Variants in NDC1 observed in about 807,000 individuals in gnomAD.
NDC1 encodes the protein NDC1 transmembrane nucleoporin.
NDC1 carries 24 observed loss-of-function variants against 89.8 expected under a neutral mutation model. The observed-to-expected ratio is 0.27, with a 90% CI of 0.19 to 0.38. NDC1 has a LOEUF of 0.38. NDC1 is among the 10% of genes least tolerant of loss of function. The pLI, the probability that NDC1 is intolerant of heterozygous loss-of-function variation, is 1.00. For synonymous variants in NDC1, 296 were observed against 284.8 expected, an observed-to-expected ratio of 1.04 and a Z score of -0.39; for missense variants, 728 against 797.6, an observed-to-expected ratio of 0.91 and a Z score of 1.05.
chr1:53,835,538 C>A lies in NDC1; in HGVS notation c.140G>T (p.Ser47Ile). 1.2e-6 allele frequency: 2 copies of A among 1,613,548 alleles called. No homozygotes were observed. Among genetic ancestry groups the A allele is most frequent in the South Asian group, 2.2e-5 (2 of 91,024 alleles). The change falls in exon 2 of 18, where the codon AGC becomes ATC. Residue 47 changes from serine to isoleucine, a missense_variant. Transcript: ENST00000371429. ...PICTTVFIIF[S>I]RIDLFHPIQW... The stretch of plus-strand genomic sequence containing the variant: ...TATAGGATGAAACAAATCAATCCTG[C>A]TGAAAATTATAAATACTGTGGTGCA...
At chr1:53,773,268 T>C (rs1269040256) in intron 16 of NDC1, among the ~76,000 whole-genome samples, 1 of 152,216 alleles carries the variant, frequency 6.6e-6, no homozygotes, top group Admixed American at 6.5e-5. Flanking sequence ...TTTATAGTTA[T>C]GAATGTAACC....
At chr1:53,802,102 C>T (rs972223574) in intron 10 of NDC1, among the ~76,000 whole-genome samples, 1 of 152,152 alleles carries the variant, frequency 6.6e-6, no homozygotes, top group African/African-American at 2.4e-5. Flanking sequence ...CACCCTTTTA[C>T]GGTTTACTTG....
chr1:53,818,244 C>G (rs1178823076), intron 6 of NDC1, among the ~76,000 whole-genome samples: 1 of 152,040 alleles, frequency 6.6e-6, no homozygotes, highest in Non-Finnish European at 1.5e-5. Context: ...CAAGACCAGC[C>G]TGGCCAACAT....
In NDC1 at chr1:53,819,065, C is replaced by T. The variant is rs1648571403; in HGVS notation, c.609G>A (p.Leu203=). 6.4e-7 allele frequency: 1 copy of T among 1,551,510 alleles called. No individual in the cohort carries two copies. Among genetic ancestry groups the T allele is most frequent in the Admixed American group, 1.9e-5 (1 of 52,286 alleles). Residue 203 remains leucine, a synonymous_variant, in exon 6 of 18, where the codon TTG becomes TTA. Coordinates refer to ENST00000371429, the MANE Select transcript of NDC1 (RefSeq NM_018087.5). ...ATAAGAGCAGAGATCTCCTAAAACG[C>T]AAGAACTTGTATTGCTGTGGGGAAA... ...PFPIIQQYKF[L]RFRRSLLLLV...
At chr1:53,794,589 A>G (rs1261144909) in intron 13 of NDC1, among the ~76,000 whole-genome samples, 2 of 152,190 alleles carry the variant, frequency 1.3e-5, no homozygotes, top group African/African-American at 4.8e-5. Context: ...TAAAAACATG[A>G]CTGGGCGTGG....
Position 53,832,604 on chromosome 1 carries a change from A to G in NDC1, c.179-13T>C. 7.3e-7 allele frequency: 1 copy of G among 1,369,166 alleles called. No individual in the cohort carries two copies. The allele number at this position is 1,369,166 out of a possible 1,614,324, so 84.8% of individuals were successfully genotyped here. ...TCACTGAAAGAATCTAAAACACAAGAGAGATGAATTAGTAAAGGTTATTCA... is the reference window on the plus strand; with the variant it reads ...TCACTGAAAGAATCTAAAACACAAGGGAGATGAATTAGTAAAGGTTATTCA... On this transcript the variant is annotated splice_polypyrimidine_tract_variant and intron_variant, in intron 2 of 17. Coordinates refer to ENST00000371429, the MANE Select transcript of NDC1 (RefSeq NM_018087.5).
At chr1:53,780,078 T>C (rs1409795904) in intron 16 of NDC1, among the ~76,000 whole-genome samples, 1 of 152,148 alleles carries the variant, frequency 6.6e-6, no homozygotes, top group African/African-American at 2.4e-5. Flanking sequence ...TTTCTTTTTT[T>C]GAGATGGAAT....
At chr1:53,796,414 CTGTTT>C (rs1162238836) in intron 13 of NDC1, among the ~76,000 whole-genome samples, 1 of 152,102 alleles carries the variant, frequency 6.6e-6, no homozygotes, top group East Asian at 1.9e-4. Context: ...GGCAAGGACT[CTGTTT>C]TGTTTGCTTT....
In NDC1 at chr1:53,767,693, A is replaced by G. The variant is rs1044916683; in HGVS notation, c.*277T>C. The G allele has an allele frequency of 1.1e-4, 31 of 280,128 alleles. No individual in the cohort carries two copies. The Admixed American group carries it at 1.6e-3, about 14-fold the overall frequency. The allele number at this position is 280,128 out of a possible 1,614,324, so 17.4% of individuals were successfully genotyped here. On this transcript the variant is annotated 3_prime_UTR_variant, in exon 18 of 18. Transcript: ENST00000371429. ...TACTATTAAGTTATATGAGCTAGAG[A>G]CATTTCGACTGCCATCAATGCTTCT... is the stretch of plus-strand genomic sequence containing the variant.
chr1:53,834,538 C>T (rs890819606), intron 2 of NDC1, among the ~76,000 whole-genome samples: 2 of 152,212 alleles, frequency 1.3e-5, no homozygotes, highest in Admixed American at 1.3e-4. Context: ...AAAAACTCAA[C>T]TTCCCACTTT....
intron 16 of NDC1, among the ~76,000 whole-genome samples, chr1:53,779,119 C>CAAAA (rs11412563): frequency 1.8e-4 from 10 of 55,512 alleles, no homozygotes; most frequent in African/African-American, 5.0e-4. Context: ...GACTCTGTCG[C>CAAAA]AAAAAAAAAA....
Position 53,766,252 on chromosome 1 carries a change from T to C in NDC1, c.*1718A>G, listed in dbSNP as rs1052592426. On this transcript the variant is annotated 3_prime_UTR_variant, in exon 18 of 18. Transcript: ENST00000371429. ...CCTATCTTTATTCTCAGAAATCCAA[T>C]GTTGAATATCACAGTTCTTCTTTAA... 3 of 152,220 alleles carry C rather than the reference T, an allele frequency of 2.0e-5. No homozygotes were observed. Among genetic ancestry groups the C allele is most frequent in the Non-Finnish European group, 2.9e-5 (2 of 68,038 alleles). 9.4% of individuals were successfully genotyped at this position (152,220 alleles called of 1,614,324 possible). A position where few individuals can be genotyped will look rare whatever the true frequency, so the allele number is the denominator to read the frequency against.
intron 11 of NDC1, among the ~76,000 whole-genome samples, chr1:53,797,698 C>T (rs756926800): frequency 1.1e-4 from 17 of 152,020 alleles, no homozygotes; most frequent in Non-Finnish European, 2.2e-4. Flanking sequence ...GGTGTAATCT[C>T]GGCTCACTGC....
intron 1 of NDC1, 82 bp from the exon 2 acceptor site, chr1:53,835,702 T>C: frequency 8.4e-7 from 1 of 1,190,086 alleles, no homozygotes; most frequent in Non-Finnish European, 1.2e-6. Flanking sequence ...TCATACAGGA[T>C]GTTAACCACT....
chr1:53,823,011 A>T (rs1570229519), intron 5 of NDC1, among the ~76,000 whole-genome samples: 1 of 152,184 alleles, frequency 6.6e-6, no homozygotes, highest in Non-Finnish European at 1.5e-5. Flanking sequence ...AGAGCTAATG[A>T]AAGAAAGATA....
At chr1:53,814,675 G>C (rs1447751316) in intron 6 of NDC1, among the ~76,000 whole-genome samples, 1 of 152,066 alleles carries the variant, frequency 6.6e-6, no homozygotes, top group African/African-American at 2.4e-5. Flanking sequence ...CTGGTTCTTT[G>C]AAAAGATAAG....
intron 14 of NDC1, among the ~76,000 whole-genome samples, chr1:53,792,157 T>G (rs113004383): frequency 1.3e-5 from 2 of 152,110 alleles, no homozygotes; most frequent in Non-Finnish European, 2.9e-5. Context: ...TTAGCCAGGA[T>G]GGTCTTGATC....
chr1:53,780,744 G>A (rs1202725907), intron 16 of NDC1, among the ~76,000 whole-genome samples: 1 of 152,138 alleles, frequency 6.6e-6, no homozygotes, highest in Non-Finnish European at 1.5e-5. Flanking sequence ...GAGATGGATG[G>A]TGGTGATGAC....
Position 53,767,871 on chromosome 1 carries a change from C to G in NDC1, c.*99G>C. On this transcript the variant is annotated 3_prime_UTR_variant, in exon 18 of 18. Coordinates refer to ENST00000371429, the MANE Select transcript of NDC1 (RefSeq NM_018087.5). ...GCAACCACCACGACAAAGGAAGCAT[C>G]TAATTAGTCCGTTTTCTTCTGATCC... 1 of 609,806 alleles carries G rather than the reference C, an allele frequency of 1.6e-6. No individual in the cohort carries two copies. Among genetic ancestry groups the G allele is most frequent in the East Asian group, 3.1e-5 (1 of 32,750 alleles). The allele number at this position is 609,806 out of a possible 1,614,324, so 37.8% of individuals were successfully genotyped here.
Sources: gnomAD v4.1 joint callset for allele counts (sites outside exome capture counted in the v4.1 genomes callset) on GRCh38, gnomAD v4.1.1 for gene constraint, MANE v1.5 for transcripts, NCBI Gene and HGNC (gene_info 2026-07-23, HGNC 2026-07-21) for gene names.